The following SPECC1 variants were observed in gnomAD, a reference collection of about 807,000 sequenced individuals.
The protein encoded by SPECC1 is sperm antigen with calponin homology and coiled-coil domains 1.
In SPECC1, 62 loss-of-function variants were observed where a neutral mutation model predicts 104.1. The ratio of observed to expected loss-of-function variants is 0.60; its 90% CI spans 0.49 to 0.74. SPECC1 has a LOEUF of 0.74. SPECC1 is among the 30% of genes least tolerant of loss of function. SPECC1 has a pLI of 0.00. For synonymous variants in SPECC1, 513 were observed against 501.6 expected, an observed-to-expected ratio of 1.02 and a Z score of -0.30; for missense variants, 1,306 against 1,310.5, an observed-to-expected ratio of 1.00 and a Z score of 0.05.
intron 3 of SPECC1, among the ~76,000 whole-genome samples, chr17:20,165,806 A>G (rs2033599901): frequency 2.0e-5 from 3 of 152,036 alleles, no homozygotes; most frequent in African/African-American, 7.2e-5. Context: ...GTGATGTTGA[A>G]CTATTTTTCA....
At chr17:20,048,038 A>G (rs545995542) in intron 1 of SPECC1, among the ~76,000 whole-genome samples, 4 of 152,084 alleles carry the variant, frequency 2.6e-5, no homozygotes, top group Admixed American at 1.3e-4. Flanking sequence ...ACCTTCCTTC[A>G]GTAAGGAGCA....
Position 20,316,184 on chromosome 17 carries a change from C to T in SPECC1, c.*2119C>T, listed in dbSNP as rs529912273. The T allele has an allele frequency of 1.3e-5, 3 of 231,120 alleles. No homozygotes were observed. The South Asian group carries it at 5.5e-4, about 42-fold the overall frequency. 14.3% of individuals were successfully genotyped at this position (231,120 alleles called of 1,614,324 possible). Reference sequence around the variant, plus strand: ...TTTGAAGCATTTTTTTTTTATTAACCCTGTACTTCTTCTTTGCCCACCATT... The same window carrying T: ...TTTGAAGCATTTTTTTTTTATTAACTCTGTACTTCTTCTTTGCCCACCATT... On this transcript the variant is annotated 3_prime_UTR_variant, in exon 15 of 15. Transcript: ENST00000395527.
intron 3 of SPECC1, among the ~76,000 whole-genome samples, chr17:20,167,721 G>A (rs1261511654): frequency 6.6e-6 from 1 of 152,096 alleles, no homozygotes; most frequent in Non-Finnish European, 1.5e-5. Context: ...CCTGAATCCA[G>A]ATGGTGTTAT....
chr17:20,206,024 C>T (rs548301941), intron 4 of SPECC1, 112 bp downstream of exon 4: 4 of 1,415,538 alleles, frequency 2.8e-6, no homozygotes, highest in African/African-American at 2.9e-5. Flanking sequence ...GTTTCATTCA[C>T]GAAGCCAGCA....
intron 3 of SPECC1, among the ~76,000 whole-genome samples, chr17:20,121,217 C>G (rs1042904264): frequency 6.6e-6 from 1 of 152,172 alleles, no homozygotes; most frequent in Non-Finnish European, 1.5e-5. Context: ...GACCAGGAAC[C>G]TTGGCTTTGG....
chr17:20,013,647 C>T (rs1597560466), intron 1 of SPECC1, among the ~76,000 whole-genome samples: 1 of 152,054 alleles, frequency 6.6e-6, no homozygotes, highest in Admixed American at 6.5e-5. Context: ...AATTACAGGC[C>T]TGCAACCACT....
At chr17:20,179,145 T>C (rs1279722849) in intron 3 of SPECC1, among the ~76,000 whole-genome samples, 2 of 152,218 alleles carry the variant, frequency 1.3e-5, no homozygotes, top group African/African-American at 4.8e-5. Flanking sequence ...GTGAAATTGT[T>C]AGAAGGGCTA....
intron 1 of SPECC1, among the ~76,000 whole-genome samples, chr17:20,088,041 C>T (rs1201777765): frequency 1.3e-5 from 2 of 152,024 alleles, no homozygotes; most frequent in Non-Finnish European, 2.9e-5. Context: ...GCTCAGGGAG[C>T]TGGGAGCGGC....
chr17:20,167,904 A>T (rs1465334531), intron 3 of SPECC1, among the ~76,000 whole-genome samples: 2 of 152,234 alleles, frequency 1.3e-5, no homozygotes, highest in Non-Finnish European at 2.9e-5. Context: ...TATAACTTGT[A>T]CATTTAATCT....
chr17:20,089,972 G>C (rs575785159), intron 1 of SPECC1, among the ~76,000 whole-genome samples: 1 of 152,340 alleles, frequency 6.6e-6, no homozygotes, highest in East Asian at 1.9e-4. Context: ...CTGTGCCCCA[G>C]GCTGAGGCTG....
At chr17:20,178,606 A>G (rs2034641108) in intron 3 of SPECC1, among the ~76,000 whole-genome samples, 2 of 152,238 alleles carry the variant, frequency 1.3e-5, no homozygotes, top group South Asian at 2.1e-4. Context: ...CTTTTACTAG[A>G]TGAAATACAA....
intron 1 of SPECC1, among the ~76,000 whole-genome samples, chr17:20,045,688 T>C (rs2045511962): frequency 6.6e-6 from 1 of 152,196 alleles, no homozygotes; most frequent in Non-Finnish European, 1.5e-5. Flanking sequence ...ACATCCTAGC[T>C]CTCAGCACGT....
intron 3 of SPECC1, among the ~76,000 whole-genome samples, chr17:20,170,538 G>T (rs1027689815): frequency 2.0e-4 from 30 of 152,134 alleles, no homozygotes; most frequent in African/African-American, 7.2e-4. Flanking sequence ...GGGGGTGCAG[G>T]TATCACTGGG....
intron 3 of SPECC1, among the ~76,000 whole-genome samples, chr17:20,169,578 T>C (rs2033927267): frequency 6.6e-6 from 1 of 152,198 alleles, no homozygotes. Flanking sequence ...TTTTTCTTGG[T>C]CCCTTATTGC....
chr17:20,066,792 G>A (rs1392967521), intron 1 of SPECC1, among the ~76,000 whole-genome samples: 1 of 151,896 alleles, frequency 6.6e-6, no homozygotes, highest in Non-Finnish European at 1.5e-5. Flanking sequence ...AGGCTGGAAT[G>A]CAGTGGCACA....
chr17:20,233,735 G>A (rs185714897), intron 7 of SPECC1, among the ~76,000 whole-genome samples: 83 of 152,288 alleles, frequency 5.5e-4, no homozygotes, highest in Non-Finnish European at 1.0e-3. Context: ...GAGGTAGAGG[G>A]AGAATAGGAA....
chr17:20,187,973 G>GA (rs891625976), intron 3 of SPECC1, among the ~76,000 whole-genome samples: 2 of 152,294 alleles, frequency 1.3e-5, no homozygotes, highest in Middle Eastern at 3.4e-3. Flanking sequence ...TTCAGAACTG[G>GA]AATCGGTGTG....
chr17:20,259,491 G>A (rs2039949436), intron 11 of SPECC1, among the ~76,000 whole-genome samples: 1 of 151,970 alleles, frequency 6.6e-6, no homozygotes, highest in South Asian at 2.1e-4. Context: ...CCCTTCCAAT[G>A]CACCTTTAAA....
chr17:20,078,946 TAAAC>T (rs994186900), intron 1 of SPECC1, among the ~76,000 whole-genome samples: 2 of 152,154 alleles, frequency 1.3e-5, no homozygotes, highest in Non-Finnish European at 2.9e-5. Context: ...ATAAAGTAAA[TAAAC>T]AGGCATTTTT....
Sources: gnomAD v4.1 joint callset for allele counts (sites outside exome capture counted in the v4.1 genomes callset) on GRCh38, gnomAD v4.1.1 for gene constraint, MANE v1.5 for transcripts, NCBI Gene and HGNC (gene_info 2026-07-23, HGNC 2026-07-21) for gene names.